The following CACNA2D1 variants were observed in gnomAD, a reference collection of about 807,000 sequenced individuals.
CACNA2D1 encodes calcium voltage-gated channel auxiliary subunit alpha2delta 1.
In CACNA2D1, 53 loss-of-function variants were observed where a neutral mutation model predicts 171.5. That is an observed-to-expected ratio of 0.31 (90% CI 0.25 to 0.39). The LOEUF (loss-of-function observed/expected upper bound fraction) is 0.39, where lower values mean the gene tolerates loss of function less well. Among genes scored for constraint, CACNA2D1 ranks in the 10% least tolerant of loss-of-function variants. The pLI, the probability that CACNA2D1 is intolerant of heterozygous loss-of-function variation, is 1.00. For synonymous variants in CACNA2D1, 442 were observed against 443.1 expected, an observed-to-expected ratio of 1.00 and a Z score of 0.03; for missense variants, 903 against 1,299.8, an observed-to-expected ratio of 0.69 and a Z score of 4.69.
chr7:82,429,123 T>C (rs539497244), intron 1 of CACNA2D1, among the ~76,000 whole-genome samples: 2 of 152,340 alleles, frequency 1.3e-5, no homozygotes, highest in African/African-American at 4.8e-5. Flanking sequence ...GATGATGGCA[T>C]TTCTGGATAC....
chr7:81,978,900 C>T (rs961889860), intron 24 of CACNA2D1, among the ~76,000 whole-genome samples: 3 of 151,632 alleles, frequency 2.0e-5, no homozygotes, highest in African/African-American at 7.3e-5. Flanking sequence ...GCCTGTCCCA[C>T]AAGCCAAATA....
intron 5 of CACNA2D1, among the ~76,000 whole-genome samples, chr7:82,131,657 T>A (rs1790992172): frequency 6.6e-6 from 1 of 152,216 alleles, no homozygotes; most frequent in Non-Finnish European, 1.5e-5. Flanking sequence ...TATTAGTTGA[T>A]GTAGACGTAT....
intron 1 of CACNA2D1, among the ~76,000 whole-genome samples, chr7:82,417,608 G>A (rs1450664990): frequency 6.6e-6 from 1 of 152,136 alleles, no homozygotes; most frequent in Non-Finnish European, 1.5e-5. Flanking sequence ...CTAGATATCT[G>A]CATTAAAGTA....
At chr7:81,975,076 G>T (rs536796760) in intron 24 of CACNA2D1, among the ~76,000 whole-genome samples, 127 of 151,980 alleles carry the variant, frequency 8.4e-4, no homozygotes, top group African/African-American at 3.0e-3. Flanking sequence ...ACAACTGAGT[G>T]GACATAAAGC....
At chr7:81,963,512 A>G (rs1043768374) in intron 34 of CACNA2D1, among the ~76,000 whole-genome samples, 1 of 151,914 alleles carries the variant, frequency 6.6e-6, no homozygotes, top group Non-Finnish European at 1.5e-5. Flanking sequence ...CATAGGTTGT[A>G]GGGTCTACAG....
Position 82,221,788 on chromosome 7 carries a change from A to AAC in CACNA2D1, c.295-51180_295-51179insGT, listed in dbSNP as rs397816790. On this transcript the variant is annotated intron_variant, in intron 3 of 38. Coordinates refer to ENST00000356860, the MANE Select transcript of CACNA2D1 (RefSeq NM_000722.4). The stretch of plus-strand genomic sequence containing the variant: ...TTCACTGTTACCAAAAAAAAAAAAA[A>AAC]CACTACGAATTCAGATAGCATATTA... Among the ~76,000 whole-genome samples, 4 of 150,566 alleles carry AAC rather than the reference A, an allele frequency of 2.7e-5. No individual in the cohort carries two copies. In the East Asian group the frequency reaches 5.8e-4, roughly 22 times the overall value.
chr7:82,346,083 T>C (rs904172669), intron 2 of CACNA2D1, among the ~76,000 whole-genome samples: 2 of 152,144 alleles, frequency 1.3e-5, no homozygotes, highest in Admixed American at 6.5e-5. Context: ...ACTGGATATC[T>C]TCTCTCCAAA....
intron 7 of CACNA2D1, among the ~76,000 whole-genome samples, chr7:82,069,354 G>A (rs1808038152): frequency 6.6e-6 from 1 of 152,146 alleles, no homozygotes; most frequent in Non-Finnish European, 1.5e-5. Flanking sequence ...ACTTTTTAGT[G>A]TTTCAGGAAG....
At chr7:81,992,098 C>T (rs893048234) in intron 20 of CACNA2D1, among the ~76,000 whole-genome samples, 9 of 151,678 alleles carry the variant, frequency 5.9e-5, no homozygotes, top group African/African-American at 2.2e-4. Context: ...CCGCCTCGGC[C>T]TCCCAAAGTG....
chr7:82,073,802 T>C (rs1563003765), intron 7 of CACNA2D1, among the ~76,000 whole-genome samples: 1 of 152,106 alleles, frequency 6.6e-6, no homozygotes, highest in Non-Finnish European at 1.5e-5. Flanking sequence ...GGTTTCATCA[T>C]GTTGACCAGG....
At chr7:82,049,701 G>T (rs1416376676) in intron 10 of CACNA2D1, among the ~76,000 whole-genome samples, 1 of 152,132 alleles carries the variant, frequency 6.6e-6, no homozygotes, top group African/African-American at 2.4e-5. Flanking sequence ...TGTACCCATT[G>T]CTTAACAGAG....
intron 3 of CACNA2D1, among the ~76,000 whole-genome samples, chr7:82,268,969 T>A (rs1211017521): frequency 6.6e-6 from 1 of 152,070 alleles, no homozygotes; most frequent in African/African-American, 2.4e-5. Flanking sequence ...CATAGAAAAA[T>A]TGATAGGAAA....
chr7:82,375,980 GA>G (rs2129448771), intron 1 of CACNA2D1, among the ~76,000 whole-genome samples: 1 of 152,154 alleles, frequency 6.6e-6, no homozygotes, highest in South Asian at 2.1e-4. Flanking sequence ...AAAGCTGGGG[GA>G]TAGAAAATAG....
intron 1 of CACNA2D1, among the ~76,000 whole-genome samples, chr7:82,437,517 G>A (rs2129459583): frequency 6.6e-6 from 1 of 152,086 alleles, no homozygotes; most frequent in South Asian, 2.1e-4. Context: ...AAAAAAATCA[G>A]CAGAAGCAAA....
At chr7:82,177,097 TG>T (rs1235860801) in intron 3 of CACNA2D1, among the ~76,000 whole-genome samples, 2 of 26,668 alleles carry the variant, frequency 7.5e-5, no homozygotes, top group South Asian at 1.1e-3. Context: ...TGGCGGGGGT[TG>T]GGGGGCGGGC....
At chr7:82,044,313 A>T (rs1478310673) in intron 10 of CACNA2D1, among the ~76,000 whole-genome samples, 1 of 152,172 alleles carries the variant, frequency 6.6e-6, no homozygotes, top group Non-Finnish European at 1.5e-5. Flanking sequence ...AAGCATTTTT[A>T]AGAAGCAAAA....
chr7:82,331,633 A>G (rs1009964414), intron 3 of CACNA2D1, among the ~76,000 whole-genome samples: 9 of 152,210 alleles, frequency 5.9e-5, no homozygotes, highest in African/African-American at 1.9e-4. Flanking sequence ...TGCTTAAGAT[A>G]TTCTACTGAT....
At chr7:82,330,559 T>C (rs1817185406) in intron 3 of CACNA2D1, among the ~76,000 whole-genome samples, 1 of 152,110 alleles carries the variant, frequency 6.6e-6, no homozygotes, top group Non-Finnish European at 1.5e-5. Context: ...TTATGTTTAC[T>C]GAAGAATAAT....
chr7:82,291,147 C>T (rs959560597), intron 3 of CACNA2D1, among the ~76,000 whole-genome samples: 1 of 105,304 alleles, frequency 9.5e-6, no homozygotes, highest in Non-Finnish European at 2.3e-5. Flanking sequence ...GCCACTTGTA[C>T]ATATAATTCT....
Sources: allele counts gnomAD v4.1 joint callset (sites outside exome capture counted in the v4.1 genomes callset), GRCh38; gene constraint gnomAD v4.1.1; transcripts MANE v1.5; gene names NCBI Gene and HGNC (gene_info 2026-07-23, HGNC 2026-07-21).